DAB1: variants seen among roughly 807,000 people sequenced by gnomAD.
DAB1 encodes disabled homolog 1.
DAB1 carries 15 observed loss-of-function variants against 64.6 expected under a neutral mutation model. The observed-to-expected ratio is 0.23, with a 90% CI of 0.16 to 0.36. The LOEUF is 0.36. DAB1 is among the 10% of genes least tolerant of loss of function. The probability of loss-of-function intolerance (pLI) is 1.00; values close to 1 mark genes in which losing one functional copy is unlikely to be tolerated. For synonymous variants in DAB1, 235 were observed against 251.9 expected (o/e 0.93, Z 0.64); for missense variants, 596 against 706.7 (o/e 0.84, Z 1.78).
intron 9 of DAB1, among the ~76,000 whole-genome samples, chr1:57,056,903 A>G (rs935426905): frequency 1.3e-5 from 2 of 152,088 alleles, no homozygotes; most frequent in African/African-American, 4.8e-5. Context: ...ACATTCGAAA[A>G]AGCAATTTCC....
At chr1:57,452,676 GT>G (rs1686432181) in intron 7 of DAB1, among the ~76,000 whole-genome samples, 1 of 152,054 alleles carries the variant, frequency 6.6e-6, no homozygotes, top group Non-Finnish European at 1.5e-5. Flanking sequence ...ATTATCCTAT[GT>G]GCCAGGCTCC....
chr1:57,439,801 T>C (rs1163044343), intron 7 of DAB1, among the ~76,000 whole-genome samples: 2 of 152,094 alleles, frequency 1.3e-5, no homozygotes, highest in Non-Finnish European at 2.9e-5. Flanking sequence ...TAAGATTTAA[T>C]ACTTGTGATT....
chr1:58,012,211 A>G (rs1379337727), intron 5 of DAB1, among the ~76,000 whole-genome samples: 2 of 152,164 alleles, frequency 1.3e-5, no homozygotes, highest in Non-Finnish European at 2.9e-5. Flanking sequence ...ACAGGAAATG[A>G]GGAAGCAGAA....
chr1:57,421,902 C>CG (rs1309675216), intron 1 of DAB1, among the ~76,000 whole-genome samples: 4,157 of 11,648 alleles, frequency 0.36, 555 homozygotes, highest in Middle Eastern at 0.5. Context: ...TGGGGGGTGG[C>CG]GGGGGGGGGG....
At chr1:57,153,091 T>C (rs1659850489) in intron 2 of DAB1, among the ~76,000 whole-genome samples, 1 of 152,224 alleles carries the variant, frequency 6.6e-6, no homozygotes, top group Non-Finnish European at 1.5e-5. Context: ...AGTGGTATGA[T>C]CTTAGCTCAC....
At chr1:57,366,627 C>T (rs1156315635) in intron 1 of DAB1, among the ~76,000 whole-genome samples, 3 of 152,154 alleles carry the variant, frequency 2.0e-5, no homozygotes, top group Admixed American at 1.3e-4. Context: ...ATGTTAAAAG[C>T]TTATCATATA....
At position 56,996,185 on chromosome 1, in the gene DAB1, T is replaced by C. The variant is rs1336937239; in HGVS notation, c.*1959A>G. The stretch of plus-strand genomic sequence containing the variant: ...AAATGAATCTCCCAAATCATTTTAG[T>C]TTCTATTGATATGAAGAATCAAATG... On this transcript the variant is annotated 3_prime_UTR_variant, in exon 15 of 15. Transcript: ENST00000371236. The C allele has an allele frequency of 6.6e-6, 1 of 152,240 alleles. No homozygotes were observed. The highest frequency in any genetic ancestry group is 1.5e-5 in the Non-Finnish European group (1 of 68,044). The allele number at this position is 152,240 out of a possible 1,614,324, so 9.4% of individuals were successfully genotyped here.
intron 4 of DAB1, among the ~76,000 whole-genome samples, chr1:58,184,367 T>C (rs1299689034): frequency 6.6e-6 from 1 of 151,118 alleles, no homozygotes; most frequent in Non-Finnish European, 1.5e-5. Flanking sequence ...GATTAGATTT[T>C]CTGAAAATAA....
downstream of DAB1, among the ~76,000 whole-genome samples, chr1:57,823,394 G>A (rs934430969): frequency 5.3e-5 from 8 of 152,212 alleles, no homozygotes; most frequent in Middle Eastern, 3.4e-3. Context: ...GTTGGACACC[G>A]AGGAAGAGGA....
intron 2 of DAB1, among the ~76,000 whole-genome samples, chr1:58,519,439 A>C (rs1033732901): frequency 6.6e-6 from 1 of 152,214 alleles, no homozygotes; most frequent in Non-Finnish European, 1.5e-5. Context: ...TTCCCCAAAG[A>C]AAGAGCTAGA....
At chr1:57,509,697 A>C (rs1421788930) in intron 7 of DAB1, among the ~76,000 whole-genome samples, 1 of 151,954 alleles carries the variant, frequency 6.6e-6, no homozygotes, top group Non-Finnish European at 1.5e-5. Flanking sequence ...TCCTGCTCCC[A>C]TGCTCACTCA....
At chr1:58,114,920 C>T (rs1253255979) in intron 5 of DAB1, among the ~76,000 whole-genome samples, 1 of 152,138 alleles carries the variant, frequency 6.6e-6, no homozygotes, top group Non-Finnish European at 1.5e-5. Context: ...AATGTCACTC[C>T]AGTGATAGAA....
chr1:56,998,616 T>C (rs1413483367), intron 14 of DAB1, among the ~76,000 whole-genome samples: 1 of 152,228 alleles, frequency 6.6e-6, no homozygotes, highest in East Asian at 1.9e-4. Flanking sequence ...GTTTCATAAA[T>C]GTCCACTTGA....
At chr1:57,537,384 C>T (rs137888452) in intron 7 of DAB1, among the ~76,000 whole-genome samples, 93 of 152,286 alleles carry the variant, frequency 6.1e-4, no homozygotes, top group Middle Eastern at 3.4e-3. Context: ...GGTTATCCAA[C>T]GGCTATGATC....
At chr1:57,603,524 C>G (rs887966142) in intron 7 of DAB1, among the ~76,000 whole-genome samples, 1 of 152,160 alleles carries the variant, frequency 6.6e-6, no homozygotes, top group Non-Finnish European at 1.5e-5. Context: ...ATCAATTGAG[C>G]GGGGACCACA....
intron 6 of DAB1, among the ~76,000 whole-genome samples, chr1:57,694,691 T>G (rs984616445): frequency 6.6e-6 from 1 of 152,140 alleles, no homozygotes; most frequent in Non-Finnish European, 1.5e-5. Context: ...AAAAATATAT[T>G]AAAATATTTT....
chr1:58,456,827 T>A (rs1645196958), intron 3 of DAB1, among the ~76,000 whole-genome samples: 5 of 152,146 alleles, frequency 3.3e-5, no homozygotes, highest in Admixed American at 3.3e-4. Context: ...CAAGTCAGTA[T>A]CTCTGGAGGT....
chr1:57,724,037 G>A lies in DAB1; in HGVS notation n.552-74372C>T, dbSNP rs75475883. On this transcript the variant is annotated intron_variant and non_coding_transcript_variant, in intron 6 of 20. Transcript: ENST00000485760. ...GCTGAAGATTAGCTAGGAAGGAAAC[G>A]CAGAACGTTTATAGCTATGAATCAG... is the stretch of plus-strand genomic sequence containing the variant. Among the ~76,000 whole-genome samples, 1,140 of 152,218 alleles carry A rather than the reference G, an allele frequency of 7.5e-3. 15 individuals are homozygous for A. The highest frequency in any genetic ancestry group is 0.025 in the African/African-American group (1,056 of 41,534).
At chr1:57,292,678 C>T (rs1672870157) in intron 1 of DAB1, among the ~76,000 whole-genome samples, 1 of 152,048 alleles carries the variant, frequency 6.6e-6, no homozygotes, top group South Asian at 2.1e-4. Context: ...TAGTAAGAAT[C>T]TGCTATGGGC....
Sources: allele counts gnomAD v4.1 joint callset (sites outside exome capture counted in the v4.1 genomes callset), GRCh38; gene constraint gnomAD v4.1.1; transcripts MANE v1.5; gene names NCBI Gene and HGNC (gene_info 2026-07-23, HGNC 2026-07-21).